Variants in IL2RG observed in about 807,000 individuals in gnomAD.
The protein encoded by IL2RG is cytokine receptor common subunit gamma.
For missense variants in IL2RG, 205 were observed against 272.9 expected (o/e 0.75, Z 1.75); for synonymous variants, 111 against 108.5 (o/e 1.02, Z -0.15).
intron 5 of IL2RG, 27 bp downstream of exon 5, chrX:71,109,201 G>A: frequency 8.3e-7 from 1 of 1,202,014 alleles, no homozygotes; most frequent in Middle Eastern, 2.9e-4. Context: ...TTGGGCTCAT[G>A]GATTGGGTCA....
At chrX:71,109,542 C>T (rs766599450) in intron 4 of IL2RG, 152 bp from the exon 5 acceptor site, 2 of 526,859 alleles carry the variant, frequency 3.8e-6, no homozygotes, top group East Asian at 3.6e-5. Context: ...CCTTCACTGA[C>T]TTGAATCTAA....
chrX:71,108,251 C>A, intron 7 of IL2RG, 26 bp downstream of exon 7: 2 of 1,102,105 alleles, frequency 1.8e-6, no homozygotes, highest in Non-Finnish European at 2.5e-6. Context: ...TGATAGACTG[C>A]AGCATGCTTA....
At chrX:71,108,846 C>T (rs879056909) in intron 5 of IL2RG, 151 bp from the exon 6 acceptor site, 1 of 472,069 alleles carries the variant, frequency 2.1e-6, no homozygotes, top group Non-Finnish European at 3.7e-6. Context: ...CTCCATCTTA[C>T]ATCTTAGGAA....
chrX:71,110,526 CT>C lies in IL2RG; in HGVS notation c.431del (p.Gln144ArgfsTer3). 1 of 1,211,491 alleles carries C rather than the reference CT, an allele frequency of 8.3e-7. No individual in the cohort carries two copies. The highest frequency in any genetic ancestry group is 1.1e-6 in the Non-Finnish European group (1 of 895,171). ...TACCCAGATTCTGCAGTTTTAGCATCTGTGTGGCCTGTCTCCTGGGTTCCCG... is the reference window on the plus strand; with the variant it reads ...TACCCAGATTCTGCAGTTTTAGCATCGTGTGGCCTGTCTCCTGGGTTCCCG... ...DPREPRRQAT[Q>X]MLKLQNLVIP... On this transcript the variant is annotated frameshift_variant, in exon 3 of 8. Coordinates refer to ENST00000374202, the MANE Select transcript of IL2RG (RefSeq NM_000206.3). LOFTEE classifies it high-confidence loss of function.
chrX:71,107,964 G>A, intron 7 of IL2RG, 43 bp from the exon 8 acceptor site: 1 of 1,060,761 alleles, frequency 9.4e-7, no homozygotes, highest in East Asian at 3.0e-5. Context: ...TTAGGGGCAG[G>A]AAGTAAAAGA....
intron 5 of IL2RG, 114 bp from the exon 6 acceptor site, chrX:71,108,809 C>T: frequency 6.0e-6 from 3 of 503,381 alleles, no homozygotes; most frequent in Non-Finnish European, 1.0e-5. Flanking sequence ...ATCCTCACAA[C>T]AGCTCCTGTG....
Position 71,109,463 on chromosome X carries a change from C to T in IL2RG, c.595-73G>A, listed in dbSNP as rs1048573273. The stretch of plus-strand genomic sequence containing the variant: ...GAGAATTAAAACATACTCCTGAACA[C>T]CCACCAGTGTCATCTCTGCTACTGC... On this transcript the variant is annotated intron_variant, in intron 4 of 7. Coordinates refer to ENST00000374202, the MANE Select transcript of IL2RG (RefSeq NM_000206.3). The T allele has an allele frequency of 6.2e-5, 60 of 974,216 alleles. No individual in the cohort carries two copies. In the South Asian group the frequency reaches 9.8e-4, roughly 16 times the overall value. The allele number at this position is 974,216 out of a possible 1,213,427, so 80.3% of individuals were successfully genotyped here. A position where few individuals can be genotyped will look rare whatever the true frequency, so the allele number is the denominator to read the frequency against.
chrX:71,107,456 G>A lies in IL2RG; in HGVS notation c.*280C>T, dbSNP rs1339569998. 6 of 272,096 alleles carry A rather than the reference G, an allele frequency of 2.2e-5. No homozygotes were observed. The highest frequency in any genetic ancestry group is 1.2e-4 in the Admixed American group (2 of 16,443). 22.4% of individuals were successfully genotyped at this position (272,096 alleles called of 1,213,427 possible). ...ATTTCTCATCGGTTCAGGAACAATC[G>A]GAGGGTAGATGGAAAGAGGAAGGGA... On this transcript the variant is annotated 3_prime_UTR_variant, in exon 8 of 8. Coordinates refer to ENST00000374202, the MANE Select transcript of IL2RG (RefSeq NM_000206.3).
intron 3 of IL2RG, 43 bp from the exon 4 acceptor site, chrX:71,110,338 C>T (rs2092260861): frequency 8.4e-7 from 1 of 1,191,766 alleles, no homozygotes. Flanking sequence ...CTGGCCTAGA[C>T]AAGTCAGGAT....
rs1427640306 is a variant in IL2RG at position 71,107,729 on chromosome X, T to C, written c.*7A>G. ...ACCCTGGGGTTCTTCTGTCAGAGGATTGGGGTTCAGGTTTCAGGCTTTAGG... is the reference window on the plus strand; with the variant it reads ...ACCCTGGGGTTCTTCTGTCAGAGGACTGGGGTTCAGGTTTCAGGCTTTAGG... On this transcript the variant is annotated 3_prime_UTR_variant, in exon 8 of 8. Coordinates refer to ENST00000374202, the MANE Select transcript of IL2RG (RefSeq NM_000206.3). 2.7e-6 allele frequency: 3 copies of C among 1,122,839 alleles called. No homozygotes were observed. The highest frequency in any genetic ancestry group is 1.2e-6 in the Non-Finnish European group (1 of 851,693). The allele number at this position is 1,122,839 out of a possible 1,213,427, so 92.5% of individuals were successfully genotyped here.
Position 71,111,208 on chromosome X carries a change from A to G in IL2RG, c.116-158T>C, listed in dbSNP as rs1398792701. The G allele has an allele frequency of 2.3e-5, 16 of 685,189 alleles. No individual in the cohort carries two copies. In the East Asian group the frequency reaches 5.6e-4, roughly 24 times the overall value. The allele number at this position is 685,189 out of a possible 1,213,427, so 56.5% of individuals were successfully genotyped here. A position where few individuals can be genotyped will look rare whatever the true frequency, so the allele number is the denominator to read the frequency against. On this transcript the variant is annotated intron_variant, in intron 1 of 7. Transcript: ENST00000374202. The stretch of plus-strand genomic sequence containing the variant: ...GGAGTTTGAGACCAGCCTAGGCAAC[A>G]TAGTGAGACCCTGCCTCAAAAGAAA...
intron 3 of IL2RG, 60 bp from the exon 4 acceptor site, chrX:71,110,355 G>T: frequency 8.7e-7 from 1 of 1,155,813 alleles, no homozygotes; most frequent in African/African-American, 1.8e-5. Flanking sequence ...GGATCCTGAA[G>T]GTAGTGCCCC....
rs779772745 is a variant in IL2RG at position 71,111,453 on chromosome X, C to T, written c.87G>A (p.Thr29=). The T allele has an allele frequency of 3.6e-5, 43 of 1,208,740 alleles. No homozygotes were observed. The highest frequency in any genetic ancestry group is 3.0e-5 in the East Asian group (1 of 33,739). ...CTGTGGTGTCTTCATTCCCATTGGG[C>T]GTCAGAATTGTCGTGTTCAGCCCCA... is the stretch of plus-strand genomic sequence containing the variant. The part of the protein sequence containing the change: ...LGVGLNTTIL[T]PNGNEDTTAD... The change falls in exon 1 of 8, where the codon ACG becomes ACA. Residue 29 remains threonine (T), a synonymous_variant. Coordinates refer to ENST00000374202, the MANE Select transcript of IL2RG (RefSeq NM_000206.3).
chrX:71,108,003 G>C, intron 7 of IL2RG, 82 bp from the exon 8 acceptor site: 1 of 783,521 alleles, frequency 1.3e-6, no homozygotes, highest in Non-Finnish European at 1.9e-6. Context: ...GAGTACTCAT[G>C]ATGTCTGCAA....
chrX:71,109,905 G>A (rs1260861544), intron 4 of IL2RG, among the ~76,000 whole-genome samples: 13 of 101,183 alleles, frequency 1.3e-4, no homozygotes, highest in African/African-American at 4.5e-4. Context: ...ACTCAAGCCT[G>A]GGCAACAGAG....
chrX:71,108,145 C>T (rs2092254969), intron 7 of IL2RG, 132 bp downstream of exon 7: 2 of 569,481 alleles, frequency 3.5e-6, no homozygotes, highest in East Asian at 3.4e-5. Flanking sequence ...CCCATTTGGT[C>T]GGCCACATCC....
rs767725593 is a variant in IL2RG, at chrX:71,111,011, A to G, written c.155T>C (p.Val52Ala). The change falls in exon 2 of 8, where the codon GTT (valine) becomes GCT (alanine). Residue 52 changes from valine (V) to alanine (A), a missense_variant. By Grantham distance (64) the Val-to-Ala change is moderately conservative. Transcript: ENST00000374202. ...LTTMPTDSLS[V>A]STLPLPEVQC... ...AACCTCTGGGAGGGGCAGAGTGGAA[A>G]CACTGAGGGAGTCAGTGGGCATAGT... is the stretch of plus-strand genomic sequence containing the variant. 8.3e-7 allele frequency: 1 copy of G among 1,204,934 alleles called. No homozygotes were observed.
chrX:71,108,136 C>T, intron 7 of IL2RG, 141 bp downstream of exon 7: 1 of 559,094 alleles, frequency 1.8e-6, no homozygotes, highest in Non-Finnish European at 3.1e-6. Flanking sequence ...AGTCCATGCC[C>T]CATTTGGTCG....
chrX:71,107,646 G>T lies in IL2RG; in HGVS notation c.*90C>A. On this transcript the variant is annotated 3_prime_UTR_variant, in exon 8 of 8. Transcript: ENST00000374202. ...CAAATCAGCCACAGTGGGGTGAGGT[G>T]AGTATGAGACGCAGGTGGGTTGAAT... 1.5e-6 allele frequency: 1 copy of T among 678,183 alleles called. No individual in the cohort carries two copies. The highest frequency in any genetic ancestry group is 2.1e-6 in the Non-Finnish European group (1 of 481,172). 55.9% of individuals were successfully genotyped at this position (678,183 alleles called of 1,213,427 possible). A position where few individuals can be genotyped will look rare whatever the true frequency, so the allele number is the denominator to read the frequency against.
Sources: gnomAD v4.1 joint callset for allele counts (sites outside exome capture counted in the v4.1 genomes callset) on GRCh38, gnomAD v4.1.1 for gene constraint, MANE v1.5 for transcripts, NCBI Gene and HGNC (gene_info 2026-07-23, HGNC 2026-07-21) for gene names.